ADAM23: variants seen among roughly 807,000 people sequenced by gnomAD.
The protein encoded by ADAM23 is ADAM metallopeptidase domain 23.
ADAM23 carries 33 observed loss-of-function variants against 120.1 expected under a neutral mutation model. The observed-to-expected ratio is 0.27, with a 90% CI of 0.21 to 0.37. The LOEUF is 0.37. Among genes scored for constraint, ADAM23 ranks in the 10% least tolerant of loss-of-function variants. ADAM23 has a pLI of 1.00. For synonymous variants in ADAM23, 367 were observed against 375.2 expected, an observed-to-expected ratio of 0.98 and a Z score of 0.25; for missense variants, 862 against 1,058.2, an observed-to-expected ratio of 0.81 and a Z score of 2.57.
At chr2:206,597,721 C>T (rs1306759386) in intron 24 of ADAM23, among the ~76,000 whole-genome samples, 5 of 152,040 alleles carry the variant, frequency 3.3e-5, no homozygotes, top group Admixed American at 6.6e-5. Flanking sequence ...TTGTAACTGC[C>T]GTGCTTTTCT....
At chr2:206,452,397 C>T (rs1268326374) in intron 2 of ADAM23, among the ~76,000 whole-genome samples, 1 of 152,182 alleles carries the variant, frequency 6.6e-6, no homozygotes, top group Admixed American at 6.5e-5. Flanking sequence ...GCTTTCTGCT[C>T]ACGGGTTGAC....
In ADAM23 at chr2:206,617,650, C is replaced by A. The variant is rs747214076; in HGVS notation, c.*23C>A. 1.2e-6 allele frequency: 2 copies of A among 1,612,848 alleles called. No individual in the cohort carries two copies. The highest frequency in any genetic ancestry group is 2.2e-5 in the South Asian group (2 of 90,680). On this transcript the variant is annotated 3_prime_UTR_variant, in exon 26 of 26. Coordinates refer to ENST00000264377, the MANE Select transcript of ADAM23 (RefSeq NM_003812.4). ...TGAATCAGCTGCGCTGGATGGACAC[C>A]GCCTTGCACTGTTGGATTCTGGGTA... is the stretch of plus-strand genomic sequence containing the variant.
chr2:206,460,374 T>C (rs1695390977), intron 2 of ADAM23, among the ~76,000 whole-genome samples: 1 of 152,256 alleles, frequency 6.6e-6, no homozygotes, highest in South Asian at 2.1e-4. Context: ...TCCACATCCT[T>C]ACCAGCACTG....
intron 15 of ADAM23, among the ~76,000 whole-genome samples, chr2:206,568,012 C>T (rs759059994): frequency 1.4e-4 from 22 of 152,152 alleles, no homozygotes; most frequent in Non-Finnish European, 2.4e-4. Context: ...GATTCAGTCA[C>T]CTTCCACCAG....
intron 2 of ADAM23, among the ~76,000 whole-genome samples, chr2:206,465,173 G>A (rs1444987885): frequency 1.3e-5 from 2 of 152,098 alleles, no homozygotes; most frequent in Non-Finnish European, 2.9e-5. Context: ...TGCGTAGCTA[G>A]GACTGTAGGC....
intron 4 of ADAM23, among the ~76,000 whole-genome samples, chr2:206,535,706 G>A (rs114399298): frequency 0.011 from 1,681 of 152,242 alleles, 43 homozygotes; most frequent in African/African-American, 0.038. Context: ...AGCCATACAC[G>A]AAGGGGCACA....
chr2:206,581,914 G>T (rs529142160), intron 18 of ADAM23, among the ~76,000 whole-genome samples: 1 of 151,588 alleles, frequency 6.6e-6, no homozygotes, highest in Non-Finnish European at 1.5e-5. Flanking sequence ...TTTCGCTCTT[G>T]TTGCCCAGGC....
At chr2:206,559,527 A>T (rs976357128) in intron 10 of ADAM23, among the ~76,000 whole-genome samples, 2 of 152,150 alleles carry the variant, frequency 1.3e-5, no homozygotes, top group African/African-American at 4.8e-5. Context: ...TTTGGTGCTT[A>T]TCTGGAGATT....
intron 3 of ADAM23, among the ~76,000 whole-genome samples, chr2:206,488,829 G>T (rs1466563253): frequency 1.3e-5 from 2 of 152,120 alleles, no homozygotes; most frequent in Non-Finnish European, 2.9e-5. Context: ...GGAGAAAGAC[G>T]CAGACTCCAC....
intron 2 of ADAM23, among the ~76,000 whole-genome samples, chr2:206,476,383 A>G (rs1481626555): frequency 2.0e-5 from 3 of 152,140 alleles, no homozygotes; most frequent in Non-Finnish European, 2.9e-5. Flanking sequence ...TCCAGGTCAC[A>G]TTGATATCAG....
intron 4 of ADAM23, among the ~76,000 whole-genome samples, chr2:206,535,337 C>G (rs1462278520): frequency 1.3e-5 from 2 of 152,124 alleles, no homozygotes; most frequent in African/African-American, 2.4e-5. Flanking sequence ...GAGATTGGAA[C>G]CCTCATACAC....
At chr2:206,582,931 T>C (rs1240275205) in intron 18 of ADAM23, among the ~76,000 whole-genome samples, 2 of 152,220 alleles carry the variant, frequency 1.3e-5, no homozygotes, top group Middle Eastern at 6.3e-3. Context: ...GCTGTTAATA[T>C]GATAGGTTTT....
intron 2 of ADAM23, among the ~76,000 whole-genome samples, chr2:206,453,687 A>T (rs1695240843): frequency 6.6e-6 from 1 of 152,272 alleles, no homozygotes; most frequent in Non-Finnish European, 1.5e-5. Flanking sequence ...ATGAGAAATT[A>T]AAAACAATCA....
chr2:206,617,981 C>A lies in ADAM23; in HGVS notation c.*354C>A. The A allele has an allele frequency of 5.1e-6, 1 of 196,704 alleles. No homozygotes were observed. Among genetic ancestry groups the A allele is most frequent in the Non-Finnish European group, 1.0e-5 (1 of 97,832 alleles). 12.2% of individuals were successfully genotyped at this position (196,704 alleles called of 1,614,324 possible). On this transcript the variant is annotated 3_prime_UTR_variant, in exon 26 of 26. Coordinates refer to ENST00000264377, the MANE Select transcript of ADAM23 (RefSeq NM_003812.4). ...AAAAAATAGTAAATGATTTTTTTTC[C>A]CTCAGCCTGCTGGCACTTAATATCT...
intron 18 of ADAM23, among the ~76,000 whole-genome samples, chr2:206,579,958 T>TG (rs1698190329): frequency 1.3e-5 from 2 of 151,934 alleles, no homozygotes; most frequent in African/African-American, 2.4e-5. Context: ...TATTCCTAAG[T>TG]ATTTTTTTTT....
intron 3 of ADAM23, among the ~76,000 whole-genome samples, chr2:206,502,528 ATTCTAAGTGATACTCC>A (rs1696408981): frequency 6.6e-6 from 1 of 152,076 alleles, no homozygotes; most frequent in Admixed American, 6.6e-5. Context: ...TGTTTTGGTG[ATTCTAAGTGATACTCC>A]TTGGGTTTCC....
chr2:206,470,817 C>T (rs1161748511), intron 2 of ADAM23, among the ~76,000 whole-genome samples: 1 of 152,186 alleles, frequency 6.6e-6, no homozygotes, highest in African/African-American at 2.4e-5. Flanking sequence ...GACCAGAGAA[C>T]ACTGAACTTT....
chr2:206,478,228 A>G (rs896917216), intron 2 of ADAM23, among the ~76,000 whole-genome samples: 3 of 152,126 alleles, frequency 2.0e-5, no homozygotes, highest in Non-Finnish European at 4.4e-5. Context: ...AATAACATAC[A>G]TCAATATATT....
At chr2:206,573,509 A>T (rs945161187) in intron 18 of ADAM23, among the ~76,000 whole-genome samples, 1 of 152,160 alleles carries the variant, frequency 6.6e-6, no homozygotes, top group Non-Finnish European at 1.5e-5. Context: ...TATCTCAGCC[A>T]CCCATGTGGA....
Sources: gnomAD v4.1 joint callset for allele counts (sites outside exome capture counted in the v4.1 genomes callset) on GRCh38, gnomAD v4.1.1 for gene constraint, MANE v1.5 for transcripts, NCBI Gene and HGNC (gene_info 2026-07-23, HGNC 2026-07-21) for gene names.